COL5A2: variants seen among roughly 807,000 people sequenced by gnomAD.
The protein encoded by COL5A2 is collagen type V alpha 2 chain.
In COL5A2, 23 loss-of-function variants were observed where a neutral mutation model predicts 208.2. The observed-to-expected ratio is 0.11, with a 90% confidence interval of 0.08 to 0.16. COL5A2 has a LOEUF of 0.16. COL5A2 is among the 10% of genes least tolerant of loss of function. COL5A2 has a pLI of 1.00. For synonymous variants in COL5A2, 625 were observed against 628.5 expected (o/e 0.99, Z 0.08); for missense variants, 1,590 against 1,956.4 (o/e 0.81, Z 3.53).
the COL5A2 span, among the ~76,000 whole-genome samples, chr2:189,314,578 C>T: frequency 6.6e-6 from 1 of 152,014 alleles, no homozygotes; most frequent in Non-Finnish European, 1.5e-5. Flanking sequence ...CAAGAAATAA[C>T]CAAAAACACA....
chr2:189,401,746 T>A, the COL5A2 span, among the ~76,000 whole-genome samples: 6 of 152,222 alleles, frequency 3.9e-5, no homozygotes, highest in Admixed American at 3.9e-4. Flanking sequence ...GACTTTTTAA[T>A]ATTAATAATA....
chr2:189,048,132 GAC>G lies in COL5A2; in HGVS notation c.3201+75_3201+76del, dbSNP rs1163130355. The stretch of plus-strand genomic sequence containing the variant: ...GTGTATTGGAACTATCAGGAAAAAT[GAC>G]AGTTTTTAGTGTAAATTAAAAAGAT... On this transcript the variant is annotated intron_variant, in intron 45 of 53. Coordinates refer to ENST00000374866, the MANE Select transcript of COL5A2 (RefSeq NM_000393.5). The G allele has an allele frequency of 3.0e-6, 4 of 1,347,752 alleles. No individual in the cohort carries two copies. The Admixed American group carries it at 5.1e-5, about 17-fold the overall frequency. 83.5% of individuals were successfully genotyped at this position (1,347,752 alleles called of 1,614,324 possible).
At chr2:189,203,854 C>G (rs1689109852) in intron 1 of COL5A2, among the ~76,000 whole-genome samples, 1 of 151,662 alleles carries the variant, frequency 6.6e-6, no homozygotes, top group South Asian at 2.1e-4. Context: ...AGAACTTAGT[C>G]TGTAACTTTC....
chr2:189,110,233 G>C lies in COL5A2; in HGVS notation c.314C>G (p.Thr105Ser). 6.2e-7 allele frequency: 1 copy of C among 1,611,716 alleles called. No homozygotes were observed. Among genetic ancestry groups the C allele is most frequent in the Non-Finnish European group, 8.5e-7 (1 of 1,177,998 alleles). ...VCSQTPGGGN[T>S]NFGRGRKGQK... ...GCCCTAAACATTCTTACCAAAATTGGTATTGCCACCTCCAGGTGTTTGTGA... is the reference window on the plus strand; with the variant it reads ...GCCCTAAACATTCTTACCAAAATTGCTATTGCCACCTCCAGGTGTTTGTGA... The change falls in exon 2 of 54, where the codon ACC becomes AGC. Residue 105 changes from threonine to serine, a missense_variant. Coordinates refer to ENST00000374866, the MANE Select transcript of COL5A2 (RefSeq NM_000393.5).
the COL5A2 span, among the ~76,000 whole-genome samples, chr2:189,234,410 A>G: frequency 2.6e-5 from 4 of 151,824 alleles, no homozygotes; most frequent in African/African-American, 9.7e-5. Context: ...CCCATTCAAG[A>G]ATACTTTATT....
At chr2:189,160,828 CTTTTTTTTTTT>C (rs1013116673) in intron 1 of COL5A2, among the ~76,000 whole-genome samples, 1 of 132,016 alleles carries the variant, frequency 7.6e-6, no homozygotes, top group South Asian at 2.4e-4. Context: ...TTTCTTTTTC[CTTTTTTTTTTT>C]TTTTTTTTGA....
intron 1 of COL5A2, among the ~76,000 whole-genome samples, chr2:189,191,460 T>G (rs567530602): frequency 1.3e-5 from 2 of 151,690 alleles, no homozygotes; most frequent in African/African-American, 2.4e-5. Flanking sequence ...GGCCAACATG[T>G]TGAAACCCCA....
intron 1 of COL5A2, among the ~76,000 whole-genome samples, chr2:189,117,027 A>G (rs1321715783): frequency 6.6e-6 from 1 of 152,184 alleles, no homozygotes; most frequent in African/African-American, 2.4e-5. Context: ...TCTCATAAGC[A>G]AAGTTTTTCA....
chr2:189,140,959 A>T (rs1277591097), intron 1 of COL5A2, among the ~76,000 whole-genome samples: 1 of 152,204 alleles, frequency 6.6e-6, no homozygotes, highest in Non-Finnish European at 1.5e-5. Flanking sequence ...TTATTCTAAA[A>T]TATACTAAAA....
At chr2:189,233,877 A>G in the COL5A2 span, among the ~76,000 whole-genome samples, 1 of 151,730 alleles carries the variant, frequency 6.6e-6, no homozygotes, top group Non-Finnish European at 1.5e-5. Flanking sequence ...TTTTTGACTT[A>G]CAATATTTTC....
At chr2:189,219,323 C>T (rs926055992) in intron 1 of COL5A2, among the ~76,000 whole-genome samples, 2 of 152,168 alleles carry the variant, frequency 1.3e-5, no homozygotes, top group African/African-American at 4.8e-5. Flanking sequence ...CTGGTTAACA[C>T]TCCAGTCAAA....
upstream of COL5A2, among the ~76,000 whole-genome samples, chr2:189,180,781 T>C (rs1050301392): frequency 6.6e-6 from 1 of 152,196 alleles, no homozygotes; most frequent in Non-Finnish European, 1.5e-5. Context: ...CAGTTGAACA[T>C]GCATTTTAAG....
At chr2:189,192,479 G>A (rs1688943653) in intron 1 of COL5A2, among the ~76,000 whole-genome samples, 1 of 152,104 alleles carries the variant, frequency 6.6e-6, no homozygotes, top group African/African-American at 2.4e-5. Flanking sequence ...TTTGCATAAT[G>A]AAATGGTAAA....
intron 22 of COL5A2, 37 bp downstream of exon 22, chr2:189,066,692 C>T (rs752632613): frequency 1.3e-6 from 2 of 1,554,738 alleles, no homozygotes; most frequent in Admixed American, 1.7e-5. Context: ...CCAGACAATA[C>T]TATGTTCTAC....
intron 1 of COL5A2, among the ~76,000 whole-genome samples, chr2:189,201,115 C>A (rs920791585): frequency 8.6e-5 from 13 of 151,846 alleles, no homozygotes; most frequent in Admixed American, 7.9e-4. Flanking sequence ...ATAATTGAAT[C>A]TCTAAAGCAA....
In COL5A2 at chr2:189,065,051, G is replaced by T; in HGVS notation, c.1570C>A (p.Pro524Thr). Reference protein sequence around the residue: ...PPGPVGERGAPGNRGFPGSDG... With the variant: ...PPGPVGERGATGNRGFPGSDG... ...GAGCCTGGAAAACCACGATTGCCAGGAGCACCCTACAAATGACCAAAATGT... is the reference window on the plus strand; with the variant it reads ...GAGCCTGGAAAACCACGATTGCCAGTAGCACCCTACAAATGACCAAAATGT... The change falls in exon 24 of 54, where the codon CCT becomes ACT. Residue 524 changes from proline (P) to threonine (T), a missense_variant. Physicochemically the swap from Pro to Thr is conservative, Grantham distance 38. Coordinates refer to ENST00000374866, the MANE Select transcript of COL5A2 (RefSeq NM_000393.5). The T allele has an allele frequency of 6.2e-7, 1 of 1,613,644 alleles. No individual in the cohort carries two copies. Among genetic ancestry groups the T allele is most frequent in the South Asian group, 1.1e-5 (1 of 91,020 alleles).
the COL5A2 span, among the ~76,000 whole-genome samples, chr2:189,396,609 G>A: frequency 5.3e-5 from 8 of 150,678 alleles, no homozygotes; most frequent in East Asian, 1.6e-3. Flanking sequence ...GGGAGGCGGA[G>A]CTTGCAGTGA....
At chr2:189,431,865 C>T in the COL5A2 span, among the ~76,000 whole-genome samples, 4 of 151,976 alleles carry the variant, frequency 2.6e-5, no homozygotes, top group Non-Finnish European at 2.9e-5. Flanking sequence ...AGATACTCCT[C>T]GAGAAGAGCA....
intron 1 of COL5A2, among the ~76,000 whole-genome samples, chr2:189,147,002 T>G (rs1688052558): frequency 1.3e-5 from 2 of 152,082 alleles, no homozygotes; most frequent in South Asian, 2.1e-4. Context: ...AAGCCAACAA[T>G]AAGAAGACCC....
Sources: allele counts gnomAD v4.1 joint callset (sites outside exome capture counted in the v4.1 genomes callset), GRCh38; gene constraint gnomAD v4.1.1; transcripts MANE v1.5; gene names NCBI Gene and HGNC (gene_info 2026-07-23, HGNC 2026-07-21).